EYS: variants seen among roughly 807,000 people sequenced by gnomAD.
EYS encodes protein eyes shut homolog.
In EYS, 250 loss-of-function variants were observed where a neutral mutation model predicts 282.1. That is an observed-to-expected ratio of 0.89 (90% CI 0.80 to 0.98). The LOEUF (loss-of-function observed/expected upper bound fraction) is 0.98. Ranked by LOEUF, EYS falls within the 50% of genes least tolerant of loss-of-function variation. EYS has a pLI of 0.00. For missense variants in EYS, 4,016 were observed against 3,709.0 expected, an observed-to-expected ratio of 1.08 and a Z score of -2.15; for synonymous variants, 1,355 against 1,282.9, an observed-to-expected ratio of 1.06 and a Z score of -1.20.
intron 29 of EYS, among the ~76,000 whole-genome samples, chr6:64,385,390 T>C (rs1300626873): frequency 6.6e-6 from 1 of 152,156 alleles, no homozygotes; most frequent in Non-Finnish European, 1.5e-5. Flanking sequence ...AATGAGGGGC[T>C]GACATAAAAT....
chr6:65,329,455 T>A, intron 11 of EYS: 3 of 952,918 alleles, frequency 3.1e-6, no homozygotes, highest in Non-Finnish European at 3.7e-6. Context: ...AGAAAATATA[T>A]CAGTGTATGT....
rs569828421 is a variant in EYS, at chr6:64,327,847, G to T, written c.6079-20765C>A. Among the ~76,000 whole-genome samples the T allele has an allele frequency of 3.9e-5, 6 of 152,268 alleles. No homozygotes were observed. In the South Asian group the frequency reaches 1.2e-3, roughly 32 times the overall value. ...GCTTAGACAGGAAGCTGCCCCAGCT[G>T]CCCCCAGAGGTTCAGATTCAGAAGA... is the stretch of plus-strand genomic sequence containing the variant. On this transcript the variant is annotated intron_variant, in intron 29 of 42. Coordinates refer to ENST00000503581, the MANE Select transcript of EYS (RefSeq NM_001142800.2).
intron 9 of EYS, among the ~76,000 whole-genome samples, chr6:65,353,034 C>T (rs1764345502): frequency 6.6e-6 from 1 of 151,918 alleles, no homozygotes; most frequent in African/African-American, 2.4e-5. Context: ...TTCTGGCAAC[C>T]CAACTCAATA....
At chr6:64,452,651 C>A (rs1775399548) in intron 26 of EYS, among the ~76,000 whole-genome samples, 1 of 152,016 alleles carries the variant, frequency 6.6e-6, no homozygotes, top group Non-Finnish European at 1.5e-5. Context: ...GTACTGGTAC[C>A]AAAACAGAGA....
chr6:64,707,384 TG>T (rs1257562733), intron 22 of EYS, among the ~76,000 whole-genome samples: 2 of 151,934 alleles, frequency 1.3e-5, no homozygotes, highest in African/African-American at 4.8e-5. Flanking sequence ...GACTACATAT[TG>T]GGGGCCAGGC....
chr6:65,514,869 C>T (rs1767059487), intron 2 of EYS, among the ~76,000 whole-genome samples: 1 of 152,134 alleles, frequency 6.6e-6, no homozygotes, highest in African/African-American at 2.4e-5. Flanking sequence ...CCATTTAGGA[C>T]ATAGGCATGG....
intron 12 of EYS, among the ~76,000 whole-genome samples, chr6:65,269,600 G>A (rs1767844350): frequency 6.6e-6 from 1 of 152,092 alleles, no homozygotes; most frequent in Admixed American, 6.6e-5. Context: ...AATTCAGCCT[G>A]CTATAACAAA....
intron 12 of EYS, among the ~76,000 whole-genome samples, chr6:65,074,232 T>A (rs1281495864): frequency 6.6e-6 from 1 of 152,052 alleles, no homozygotes; most frequent in Non-Finnish European, 1.5e-5. Context: ...TGGTAAATAC[T>A]GGTCCTGAAC....
rs574814763 is a variant in EYS at position 64,933,623 on chromosome 6, C to T, written c.2381+12170G>A. On this transcript the variant is annotated intron_variant, in intron 15 of 42. Coordinates refer to ENST00000503581, the MANE Select transcript of EYS (RefSeq NM_001142800.2). ...AAAAATACCATTTGAGCCAGCAATC[C>T]CATTACTGGGTATATACCTGAAGGA... Among the ~76,000 whole-genome samples, 13 of 152,136 alleles carry T rather than the reference C, an allele frequency of 8.5e-5. No homozygotes were observed. In the East Asian group the frequency reaches 2.1e-3, roughly 25 times the overall value.
At chr6:64,290,764 C>T (rs1768675668) in intron 30 of EYS, among the ~76,000 whole-genome samples, 1 of 151,618 alleles carries the variant, frequency 6.6e-6, no homozygotes, top group Admixed American at 6.6e-5. Flanking sequence ...TAATTTATTT[C>T]TCTTCATACT....
intron 12 of EYS, among the ~76,000 whole-genome samples, chr6:65,113,774 T>G (rs1316706310): frequency 3.3e-5 from 5 of 151,956 alleles, no homozygotes; most frequent in African/African-American, 9.7e-5. Context: ...TATGACTAAT[T>G]TTTTCCTGTA....
chr6:63,905,369 A>G (rs1487118714), intron 35 of EYS, among the ~76,000 whole-genome samples: 2 of 130,870 alleles, frequency 1.5e-5, no homozygotes, highest in Admixed American at 9.5e-5. Context: ...TCGCTCTGTC[A>G]CCCAGGCTGG....
At chr6:64,021,651 C>A (rs1161058213) in intron 33 of EYS, among the ~76,000 whole-genome samples, 1 of 152,088 alleles carries the variant, frequency 6.6e-6, no homozygotes, top group Non-Finnish European at 1.5e-5. Context: ...TATGTTGTAA[C>A]ATTTTTCTAT....
At chr6:65,227,349 T>G in intron 12 of EYS, among the ~76,000 whole-genome samples, 1 of 152,122 alleles carries the variant, frequency 6.6e-6, no homozygotes, top group East Asian at 1.9e-4. Context: ...GAGTTTTCTT[T>G]GTGAGGTGAT....
chr6:64,945,344 G>A (rs1190224989), intron 15 of EYS, among the ~76,000 whole-genome samples: 1 of 152,012 alleles, frequency 6.6e-6, no homozygotes, highest in African/African-American at 2.4e-5. Context: ...TATGGAATAT[G>A]TGGAAAATTT....
intron 31 of EYS, among the ~76,000 whole-genome samples, chr6:64,214,685 G>A (rs1765878479): frequency 6.6e-6 from 1 of 151,836 alleles, no homozygotes; most frequent in South Asian, 2.1e-4. Context: ...ATATAAAAAG[G>A]TGTGACTAAA....
chr6:64,031,036 C>T (rs1769801428), intron 33 of EYS, among the ~76,000 whole-genome samples: 2 of 152,362 alleles, frequency 1.3e-5, no homozygotes, highest in African/African-American at 2.4e-5. Flanking sequence ...GGCACCTCCT[C>T]TGCCTGGGCT....
intron 8 of EYS, among the ~76,000 whole-genome samples, chr6:65,359,765 T>C (rs1764629062): frequency 6.6e-6 from 1 of 152,030 alleles, no homozygotes; most frequent in Non-Finnish European, 1.5e-5. Context: ...TATTTGTATA[T>C]GTGGCCATTT....
intron 28 of EYS, among the ~76,000 whole-genome samples, chr6:64,419,383 G>A (rs1046813175): frequency 3.9e-5 from 6 of 151,940 alleles, no homozygotes; most frequent in Non-Finnish European, 7.4e-5. Flanking sequence ...ATTCTATCCC[G>A]GGCCCCTCCC....
Sources: allele counts gnomAD v4.1 joint callset (sites outside exome capture counted in the v4.1 genomes callset), GRCh38; gene constraint gnomAD v4.1.1; transcripts MANE v1.5; gene names NCBI Gene and HGNC (gene_info 2026-07-23, HGNC 2026-07-21).